Variants in UGT1A10 observed in about 807,000 individuals in gnomAD.
UGT1A10 encodes UDP-glucuronosyltransferase 1A10.
In UGT1A10, 49 loss-of-function variants were observed where a neutral mutation model predicts 45.8. That is an observed-to-expected ratio of 1.07 (90% CI 0.85 to 1.36). The LOEUF is 1.36. Ranked by LOEUF, UGT1A10 falls within the 40% of genes most tolerant of loss-of-function variation. The pLI is 0.00. For synonymous variants in UGT1A10, 284 were observed against 249.7 expected, an observed-to-expected ratio of 1.14 and a Z score of -1.29; for missense variants, 745 against 668.6, an observed-to-expected ratio of 1.11 and a Z score of -1.26.
intron 1 of UGT1A10, chr2:233,690,982 A>G (rs1476120770): frequency 2.0e-6 from 2 of 996,858 alleles, no homozygotes; most frequent in Non-Finnish European, 2.4e-6. Context: ...CAGGACCCAC[A>G]TATGAGCAAC....
chr2:233,705,136 G>GA (rs11336071), intron 1 of UGT1A10, among the ~76,000 whole-genome samples: 93 of 142,638 alleles, frequency 6.5e-4, no homozygotes, highest in East Asian at 1.9e-3. Context: ...GACTTCGTCT[G>GA]AAAAAAAAAA....
At chr2:233,721,019 A>AAT (rs1377693832) in intron 1 of UGT1A10, among the ~76,000 whole-genome samples, 6 of 152,098 alleles carry the variant, frequency 3.9e-5, no homozygotes, top group Non-Finnish European at 8.8e-5. Context: ...TGAGGGAGCC[A>AAT]TCTTTCTTGT....
At chr2:233,755,480 A>T (rs574050472) in intron 1 of UGT1A10, 1 of 211,322 alleles carries the variant, frequency 4.7e-6, no homozygotes, top group Non-Finnish European at 9.7e-6. Flanking sequence ...AGGCTCTGTG[A>T]GGCCCTGTGA....
chr2:233,689,979 C>T (rs1038276271), intron 1 of UGT1A10: 2 of 453,310 alleles, frequency 4.4e-6, no homozygotes, highest in Admixed American at 2.4e-5. Flanking sequence ...CCCACAGGCC[C>T]CTAAAAGGGA....
In UGT1A10 at chr2:233,672,242, G is replaced by A. The variant is rs555995846; in HGVS notation, c.855+34865G>A. 3.4e-5 allele frequency: 55 copies of A among 1,614,166 alleles called. No homozygotes were observed. The East Asian group carries it at 8.0e-4, about 24-fold the overall frequency. The stretch of plus-strand genomic sequence containing the variant: ...CATGCTCAATGGAAAGCACAAGTAC[G>A]AAGTATATATTCTCTATTAATGGGT... On this transcript the variant is annotated intron_variant, in intron 1 of 4. Transcript: ENST00000344644.
In UGT1A10 at chr2:233,724,282, G is replaced by C. The variant is rs1306983781; in HGVS notation, c.856-42752G>C. Among the ~76,000 whole-genome samples, 10 of 125,690 alleles carry C rather than the reference G, an allele frequency of 8.0e-5. No individual in the cohort carries two copies. In the East Asian group the frequency reaches 2.6e-3, roughly 32 times the overall value. 82.5% of individuals were successfully genotyped at this position (125,690 alleles called of 152,430 possible). On this transcript the variant is annotated intron_variant, in intron 1 of 4. Coordinates refer to ENST00000344644, the MANE Select transcript of UGT1A10 (RefSeq NM_019075.4). ...TCCCGGACGGGGCGGCTGGCCGGGC[G>C]GGGGGCTGACCCCCCCACCTCCCTC... is the stretch of plus-strand genomic sequence containing the variant.
chr2:233,727,759 G>T (rs2077649754), intron 1 of UGT1A10, among the ~76,000 whole-genome samples: 1 of 152,172 alleles, frequency 6.6e-6, no homozygotes. Flanking sequence ...CTGCCCTTGA[G>T]CTGGGTGTCC....
At chr2:233,756,599 C>A (rs1235444943) in intron 1 of UGT1A10, among the ~76,000 whole-genome samples, 2 of 152,080 alleles carry the variant, frequency 1.3e-5, no homozygotes, top group Non-Finnish European at 2.9e-5. Flanking sequence ...TTTACTGTAT[C>A]GAAACCATTA....
At chr2:233,712,930 G>A in intron 1 of UGT1A10, 1 of 1,612,150 alleles carries the variant, frequency 6.2e-7, no homozygotes, top group Non-Finnish European at 8.5e-7. Flanking sequence ...TTAAGACGAA[G>A]GAAACAATTC....
At chr2:233,712,850 A>C in intron 1 of UGT1A10, 1 of 1,537,004 alleles carries the variant, frequency 6.5e-7, no homozygotes, top group Non-Finnish European at 8.8e-7. Flanking sequence ...AACGGGTAAT[A>C]AGTAACTGGA....
chr2:233,766,884 A>G, intron 1 of UGT1A10, 150 bp from the exon 2 acceptor site: 2 of 1,457,402 alleles, frequency 1.4e-6, no homozygotes, highest in Non-Finnish European at 1.8e-6. Context: ...ATGCTGTAAA[A>G]CTTACATATT....
chr2:233,704,004 C>T, intron 1 of UGT1A10, among the ~76,000 whole-genome samples: 1 of 152,074 alleles, frequency 6.6e-6, no homozygotes, highest in East Asian at 1.9e-4. Flanking sequence ...AGTTCTCCCA[C>T]CTCAGCCGCC....
At chr2:233,693,691 T>C (rs755873387) in intron 1 of UGT1A10, 25 of 1,614,244 alleles carry the variant, frequency 1.5e-5, no homozygotes, top group Non-Finnish European at 2.0e-5. Flanking sequence ...TTTCAAAGTA[T>C]GAAGAACTCG....
chr2:233,667,724 T>G (rs958398793), intron 1 of UGT1A10, among the ~76,000 whole-genome samples: 7 of 152,166 alleles, frequency 4.6e-5, no homozygotes, highest in Non-Finnish European at 7.4e-5. Flanking sequence ...GGGTGAAGGA[T>G]ATGAACAGAC....
intron 1 of UGT1A10, among the ~76,000 whole-genome samples, chr2:233,657,226 C>T (rs1264607173): frequency 6.6e-6 from 1 of 152,210 alleles, no homozygotes; most frequent in Non-Finnish European, 1.5e-5. Context: ...TTTTATGCCA[C>T]TCTTCATGCT....
intron 1 of UGT1A10, among the ~76,000 whole-genome samples, chr2:233,735,030 C>T (rs1056371330): frequency 3.9e-5 from 6 of 152,186 alleles, no homozygotes; most frequent in African/African-American, 1.2e-4. Context: ...TCTATTAGGT[C>T]TGCTTGGTGC....
chr2:233,651,869 G>T (rs1308379840), intron 1 of UGT1A10, among the ~76,000 whole-genome samples: 2 of 152,120 alleles, frequency 1.3e-5, no homozygotes, highest in African/African-American at 4.8e-5. Flanking sequence ...GGTTTTTCCT[G>T]AAGGTCTCCA....
chr2:233,641,851 G>A (rs879789989), intron 1 of UGT1A10, among the ~76,000 whole-genome samples: 1 of 152,064 alleles, frequency 6.6e-6, no homozygotes, highest in African/African-American at 2.4e-5. Flanking sequence ...GCCTGTAAGG[G>A]TTCCACTGAA....
rs373052727 is a variant in UGT1A10 at position 233,772,330 on chromosome 2, C to T, written c.1364C>T (p.Ala455Val). ...CGCCCGGTGGAGCCGCTGGACCTGGCCGTGTTCTGGGTGGAGTTTGTGATG... is the reference window on the plus strand; with the variant it reads ...CGCCCGGTGGAGCCGCTGGACCTGGTCGTGTTCTGGGTGGAGTTTGTGATG... Reference protein sequence around the residue: ...KDRPVEPLDLAVFWVEFVMRH... With the variant: ...KDRPVEPLDLVVFWVEFVMRH... The change falls in exon 5 of 5, where the codon GCC (alanine) becomes GTC (valine). Residue 455 changes from alanine to valine, a missense_variant. Ala to Val is a moderately conservative substitution (Grantham distance 64). Transcript: ENST00000344644. 1.2e-6 allele frequency: 2 copies of T among 1,614,146 alleles called. No homozygotes were observed. The highest frequency in any genetic ancestry group is 1.7e-6 in the Non-Finnish European group (2 of 1,180,034).
Sources: gnomAD v4.1 joint callset for allele counts (sites outside exome capture counted in the v4.1 genomes callset) on GRCh38, gnomAD v4.1.1 for gene constraint, MANE v1.5 for transcripts, NCBI Gene and HGNC (gene_info 2026-07-23, HGNC 2026-07-21) for gene names.